The following ALCAM variants were observed in gnomAD, a reference collection of about 807,000 sequenced individuals.
ALCAM encodes the protein activated leukocyte cell adhesion molecule, also known as CD166 antigen.
A neutral mutation model predicts 70.9 loss-of-function variants in ALCAM; 30 were observed. The observed-to-expected ratio is 0.42, with a 90% confidence interval of 0.32 to 0.57. The LOEUF is 0.57. Ranked by LOEUF, ALCAM falls within the 20% of genes least tolerant of loss-of-function variation. The pLI is 0.11. For missense variants in ALCAM, 591 were observed against 695.1 expected, an observed-to-expected ratio of 0.85 and a Z score of 1.68; for synonymous variants, 249 against 242.5, an observed-to-expected ratio of 1.03 and a Z score of -0.25.
chr3:105,426,874 C>T (rs975959747), intron 1 of ALCAM, among the ~76,000 whole-genome samples: 2 of 151,858 alleles, frequency 1.3e-5, no homozygotes, highest in Non-Finnish European at 2.9e-5. Flanking sequence ...AATTTTTAAA[C>T]TTATTTTCAA....
At chr3:105,500,736 T>C (rs1045191719) in intron 1 of ALCAM, among the ~76,000 whole-genome samples, 1 of 152,224 alleles carries the variant, frequency 6.6e-6, no homozygotes, top group Non-Finnish European at 1.5e-5. Flanking sequence ...GGTCCTTAGC[T>C]TCTTTAGTTA....
intron 1 of ALCAM, among the ~76,000 whole-genome samples, chr3:105,450,820 G>A (rs926515990): frequency 6.6e-6 from 1 of 152,122 alleles, no homozygotes; most frequent in Non-Finnish European, 1.5e-5. Context: ...ATGGACAAAA[G>A]TAGTATGTAA....
chr3:105,521,307 CAAAAA>C (rs3996196), intron 2 of ALCAM, among the ~76,000 whole-genome samples: 4 of 78,136 alleles, frequency 5.1e-5, no homozygotes, highest in South Asian at 1.1e-3. Flanking sequence ...GACTCCGTCT[CAAAAA>C]AAAAAAAAAA....
intron 14 of ALCAM, among the ~76,000 whole-genome samples, chr3:105,570,517 A>G (rs1022238819): frequency 3.3e-5 from 5 of 152,176 alleles, no homozygotes; most frequent in Admixed American, 6.5e-5. Context: ...AGACTGAAGC[A>G]CAGAGAGGAA....
At chr3:105,449,504 C>G (rs1018186259) in intron 1 of ALCAM, among the ~76,000 whole-genome samples, 5 of 152,168 alleles carry the variant, frequency 3.3e-5, no homozygotes, top group African/African-American at 1.2e-4. Flanking sequence ...TAATTTATCT[C>G]TGAAGAAACA....
chr3:105,437,796 C>CA (rs1937084606), intron 1 of ALCAM, among the ~76,000 whole-genome samples: 1 of 151,884 alleles, frequency 6.6e-6, no homozygotes, highest in South Asian at 2.1e-4. Context: ...TAAATGTATT[C>CA]AAAATACCAT....
rs566672130 is a variant in ALCAM at position 105,489,247 on chromosome 3, C to A, written c.74-30820C>A. Among the ~76,000 whole-genome samples, 38 of 152,234 alleles carry A rather than the reference C, an allele frequency of 2.5e-4. No homozygotes were observed. In the Middle Eastern group the frequency reaches 0.014, roughly 55 times the overall value. ...ATCATGTGCAAATATTATCAAAATTCGGATTCAGTAGGTCTTAGAGGGTGC... is the reference window on the plus strand; with the variant it reads ...ATCATGTGCAAATATTATCAAAATTAGGATTCAGTAGGTCTTAGAGGGTGC... On this transcript the variant is annotated intron_variant, in intron 1 of 15. Coordinates refer to ENST00000306107, the MANE Select transcript of ALCAM (RefSeq NM_001627.4).
At chr3:105,428,741 T>C (rs1936857296) in intron 1 of ALCAM, among the ~76,000 whole-genome samples, 1 of 151,958 alleles carries the variant, frequency 6.6e-6, no homozygotes, top group African/African-American at 2.4e-5. Flanking sequence ...CAAAGTTAGA[T>C]CAATACTACT....
At chr3:105,422,973 G>A (rs889002483) in intron 1 of ALCAM, among the ~76,000 whole-genome samples, 1 of 151,426 alleles carries the variant, frequency 6.6e-6, no homozygotes, top group African/African-American at 2.4e-5. Context: ...ACAACATAAT[G>A]TATAGTTATG....
intron 1 of ALCAM, among the ~76,000 whole-genome samples, chr3:105,453,368 A>C (rs781408122): frequency 6.6e-6 from 1 of 152,066 alleles, no homozygotes; most frequent in Non-Finnish European, 1.5e-5. Context: ...GGCTTGTTGA[A>C]GATTAGATGG....
At chr3:105,571,819 C>A (rs1313980792) in intron 14 of ALCAM, 33 bp from the exon 15 acceptor site, 1 of 1,428,234 alleles carries the variant, frequency 7.0e-7, no homozygotes, top group Non-Finnish European at 9.7e-7. Context: ...ATGTATGTGT[C>A]AATATGATGA....
chr3:105,475,014 T>A (rs1938063043), intron 1 of ALCAM, among the ~76,000 whole-genome samples: 1 of 151,870 alleles, frequency 6.6e-6, no homozygotes, highest in African/African-American at 2.4e-5. Context: ...CTAACAACTA[T>A]GTGGTTGAGA....
intron 1 of ALCAM, among the ~76,000 whole-genome samples, chr3:105,434,917 T>C (rs573317644): frequency 1.4e-4 from 21 of 152,270 alleles, no homozygotes; most frequent in African/African-American, 5.1e-4. Context: ...CTAAACTTAA[T>C]ATTTTAAAAT....
chr3:105,499,430 TAA>T (rs1485864739), intron 1 of ALCAM, among the ~76,000 whole-genome samples: 1 of 152,182 alleles, frequency 6.6e-6, no homozygotes, highest in African/African-American at 2.4e-5. Context: ...GGCCTAGTAA[TAA>T]AGTTTGTTTT....
At chr3:105,515,264 G>A (rs907050070) in intron 1 of ALCAM, among the ~76,000 whole-genome samples, 1 of 151,922 alleles carries the variant, frequency 6.6e-6, no homozygotes, top group African/African-American at 2.4e-5. Context: ...ATCAGTCTTT[G>A]TCATTTTTGT....
rs375101847 is a variant in ALCAM, at chr3:105,478,077, T to C, written c.74-41990T>C. ...ATCATTCTCCCTTGATTTTTTCCCC[T>C]GAAAATTGCTCATATTTCTCTGTTT... On this transcript the variant is annotated intron_variant, in intron 1 of 15. Coordinates refer to ENST00000306107, the MANE Select transcript of ALCAM (RefSeq NM_001627.4). Among the ~76,000 whole-genome samples, 5 of 152,232 alleles carry C rather than the reference T, an allele frequency of 3.3e-5. 1 individual carries two copies. Among genetic ancestry groups the C allele is most frequent in the African/African-American group, 1.2e-4 (5 of 41,558 alleles).
At chr3:105,379,137 G>A (rs1343413100) in intron 1 of ALCAM, among the ~76,000 whole-genome samples, 2 of 151,946 alleles carry the variant, frequency 1.3e-5, no homozygotes, top group African/African-American at 4.8e-5. Context: ...CATTTGGTAG[G>A]AATATTCAAG....
chr3:105,457,054 T>G (rs1048479430), intron 1 of ALCAM, among the ~76,000 whole-genome samples: 3 of 152,214 alleles, frequency 2.0e-5, no homozygotes, highest in African/African-American at 7.2e-5. Flanking sequence ...ATGTTGTAAT[T>G]CATGGTACTA....
In ALCAM at chr3:105,553,068, A is replaced by G. The variant is rs149204941; in HGVS notation, c.1664+483A>G. The G allele has an allele frequency of 3.0e-4, 301 of 992,202 alleles. 3 individuals carry two copies. In the African/African-American group the frequency reaches 4.5e-3, roughly 15 times the overall value. 61.5% of individuals were successfully genotyped at this position (992,202 alleles called of 1,614,324 possible). On this transcript the variant is annotated intron_variant, in intron 14 of 15. Transcript: ENST00000306107. ...TTCTAGTTAGTTGACTTTGATCCAT[A>G]TAAGAGTCTATATCAGAGAAAATCA... is the stretch of plus-strand genomic sequence containing the variant.
Sources: allele counts gnomAD v4.1 joint callset (sites outside exome capture counted in the v4.1 genomes callset), GRCh38; gene constraint gnomAD v4.1.1; transcripts MANE v1.5; gene names NCBI Gene and HGNC (gene_info 2026-07-23, HGNC 2026-07-21).